The following PARD3B variants were observed in gnomAD, a reference collection of about 807,000 sequenced individuals.
The protein encoded by PARD3B is partitioning defective 3 homolog B.
PARD3B carries 103 observed loss-of-function variants against 130.2 expected under a neutral mutation model. The observed-to-expected ratio is 0.79, with a 90% CI of 0.67 to 0.93. The LOEUF is 0.93. Ranked by LOEUF, PARD3B falls within the 40% of genes least tolerant of loss-of-function variation. PARD3B has a pLI of 0.00. For missense variants in PARD3B, 1,609 were observed against 1,499.2 expected, an observed-to-expected ratio of 1.07 and a Z score of -1.21; for synonymous variants, 583 against 553.2, an observed-to-expected ratio of 1.05 and a Z score of -0.76.
chr2:205,197,744 G>T (rs1272646516), intron 15 of PARD3B, among the ~76,000 whole-genome samples: 1 of 152,160 alleles, frequency 6.6e-6, no homozygotes. Context: ...CTGGGTTTTG[G>T]AGAAAATCAA....
chr2:204,998,657 AT>A, intron 3 of PARD3B, among the ~76,000 whole-genome samples: 1 of 151,438 alleles, frequency 6.6e-6, no homozygotes, highest in East Asian at 1.9e-4. Flanking sequence ...TCTACTAAAC[AT>A]TTTTCCATAT....
At chr2:205,521,089 T>C (rs2051027776) in intron 21 of PARD3B, among the ~76,000 whole-genome samples, 1 of 151,656 alleles carries the variant, frequency 6.6e-6, no homozygotes, top group South Asian at 2.1e-4. Flanking sequence ...AAGTTTATAT[T>C]CTTGCCAGCA....
intron 21 of PARD3B, among the ~76,000 whole-genome samples, chr2:205,506,086 G>A (rs1324722740): frequency 2.6e-5 from 4 of 152,108 alleles, no homozygotes; most frequent in African/African-American, 9.7e-5. Flanking sequence ...TGTAACCCCA[G>A]CACTTTGGGA....
intron 1 of PARD3B, among the ~76,000 whole-genome samples, chr2:204,670,579 A>T (rs1454985501): frequency 6.6e-6 from 1 of 151,986 alleles, no homozygotes; most frequent in East Asian, 1.9e-4. Context: ...TTGGTTCATC[A>T]ATTTTAGACA....
chr2:205,387,428 A>G (rs1216165969), intron 18 of PARD3B, among the ~76,000 whole-genome samples: 3 of 152,104 alleles, frequency 2.0e-5, no homozygotes, highest in African/African-American at 4.8e-5. Context: ...CTCAAATATT[A>G]CTTTTATAGA....
At chr2:205,519,409 G>A (rs945378160) in intron 21 of PARD3B, among the ~76,000 whole-genome samples, 7 of 152,146 alleles carry the variant, frequency 4.6e-5, no homozygotes, top group South Asian at 2.1e-4. Context: ...CTTGTATTGT[G>A]TTATTCAGCT....
At chr2:204,715,749 A>G (rs2038690565) in intron 2 of PARD3B, among the ~76,000 whole-genome samples, 1 of 152,128 alleles carries the variant, frequency 6.6e-6, no homozygotes, top group Non-Finnish European at 1.5e-5. Flanking sequence ...CCTTTCACAT[A>G]TGCTTCTTTC....
intron 2 of PARD3B, among the ~76,000 whole-genome samples, chr2:204,712,218 C>T (rs528444277): frequency 2.0e-5 from 3 of 152,204 alleles, no homozygotes; most frequent in South Asian, 2.1e-4. Context: ...GTGTACTCTG[C>T]GAAGAAAGTT....
intron 4 of PARD3B, among the ~76,000 whole-genome samples, chr2:205,051,711 ATG>A (rs1377633259): frequency 6.6e-6 from 1 of 152,198 alleles, no homozygotes; most frequent in African/African-American, 2.4e-5. Flanking sequence ...GTTATTTAAG[ATG>A]TACACTCTCA....
At position 205,258,828 on chromosome 2, in the gene PARD3B, A is replaced by G. The variant is rs1447557167; in HGVS notation, c.2185+13006A>G. Among the ~76,000 whole-genome samples the G allele has an allele frequency of 6.6e-6, 1 of 152,194 alleles. No individual in the cohort carries two copies. The highest frequency in any genetic ancestry group is 1.5e-5 in the Non-Finnish European group (1 of 68,032). Reference sequence around the variant, plus strand: ...CACATTTACATTTATTGCAATTACTAGCATATTTAGATTTATGTTTTATTT... The same window carrying G: ...CACATTTACATTTATTGCAATTACTGGCATATTTAGATTTATGTTTTATTT... On this transcript the variant is annotated intron_variant, in intron 16 of 22. Transcript: ENST00000406610. The surrounding 1 kb of genome is among the most constrained non-coding windows in gnomAD (Gnocchi z 4.9).
intron 3 of PARD3B, among the ~76,000 whole-genome samples, chr2:204,981,824 G>A (rs1156812068): frequency 1.3e-5 from 2 of 152,122 alleles, no homozygotes; most frequent in Non-Finnish European, 2.9e-5. Flanking sequence ...AAACAGGGTG[G>A]CATTTGAGGA....
intron 16 of PARD3B, among the ~76,000 whole-genome samples, chr2:205,256,187 T>C (rs550990746): frequency 6.6e-6 from 1 of 152,254 alleles, no homozygotes; most frequent in African/African-American, 2.4e-5. Flanking sequence ...AGGATGTTTT[T>C]TTTAAAAAAA....
intron 1 of PARD3B, among the ~76,000 whole-genome samples, chr2:204,568,116 T>C (rs2031785207): frequency 6.6e-6 from 1 of 152,230 alleles, no homozygotes; most frequent in African/African-American, 2.4e-5. Flanking sequence ...GAAAGAGTTT[T>C]GACTTTGCAG....
chr2:204,744,893 G>A (rs1574871860), intron 2 of PARD3B, among the ~76,000 whole-genome samples: 2 of 152,106 alleles, frequency 1.3e-5, no homozygotes, highest in East Asian at 3.8e-4. Flanking sequence ...TCCAGTAAAA[G>A]CAAGTGATTG....
chr2:204,867,982 A>G (rs975670109), intron 2 of PARD3B, among the ~76,000 whole-genome samples: 2 of 152,160 alleles, frequency 1.3e-5, no homozygotes, highest in Non-Finnish European at 2.9e-5. Context: ...TATGGACTAG[A>G]TCTCAGAGAT....
rs369826402 is a variant in PARD3B, at chr2:205,121,855, G to A, written c.1071G>A (p.Arg357=). 112 of 1,613,988 alleles carry A rather than the reference G, an allele frequency of 6.9e-5. No homozygotes were observed. The East Asian group carries it at 2.4e-3, about 35-fold the overall frequency. Residue 357 remains arginine (R), a synonymous_variant, in exon 8 of 23, where the codon AGG becomes AGA. Coordinates refer to ENST00000406610, the MANE Select transcript of PARD3B (RefSeq NM_001302769.2). This position sits in a 1 kb window ranked among gnomAD's most constrained non-coding sequence, Gnocchi z 5.0. Reference sequence around the variant, plus strand: ...AAAACAAGAGTCCCCGAGTACCAAGGCTGGGAGGAAAACCATCCTCTCCCT... The same window carrying A: ...AAAACAAGAGTCCCCGAGTACCAAGACTGGGAGGAAAACCATCCTCTCCCT... ...LQQNKSPRVP[R]LGGKPSSPSL...
At chr2:205,270,035 G>A (rs2040658560) in intron 16 of PARD3B, among the ~76,000 whole-genome samples, 1 of 152,000 alleles carries the variant, frequency 6.6e-6, no homozygotes, top group South Asian at 2.1e-4. Flanking sequence ...AATTCTTCAG[G>A]GGATGGAGAC....
intron 3 of PARD3B, among the ~76,000 whole-genome samples, chr2:204,996,919 A>G (rs553000326): frequency 1.2e-4 from 18 of 151,456 alleles, no homozygotes; most frequent in East Asian, 2.0e-4. Flanking sequence ...AGGTGAGGCA[A>G]TGCCTCGCCC....
rs745588061 is a variant in PARD3B at position 205,158,179 on chromosome 2, A to G, written c.1435-543A>G. Among the ~76,000 whole-genome samples, 6 of 152,220 alleles carry G rather than the reference A, an allele frequency of 3.9e-5. No homozygotes were observed. Among genetic ancestry groups the G allele is most frequent in the Non-Finnish European group, 7.3e-5 (5 of 68,052 alleles). On this transcript the variant is annotated intron_variant, in intron 10 of 22. Transcript: ENST00000406610. This position sits in a 1 kb window ranked among gnomAD's most constrained non-coding sequence, Gnocchi z 5.4. ...ATCGTTTTTCTCTAACTTTAAAGTA[A>G]CATCTCATTTTTACTGTGTCTTATT... is the stretch of plus-strand genomic sequence containing the variant.
Sources: allele counts gnomAD v4.1 joint callset (sites outside exome capture counted in the v4.1 genomes callset), GRCh38; gene constraint gnomAD v4.1.1; non-coding constraint Gnocchi (gnomAD v3.1); transcripts MANE v1.5; gene names NCBI Gene and HGNC (gene_info 2026-07-23, HGNC 2026-07-21).